Variants in LDHC observed in about 807,000 individuals in gnomAD.
LDHC encodes the protein L-lactate dehydrogenase C chain.
LDHC carries 20 observed loss-of-function variants against 30.2 expected under a neutral mutation model. That is an observed-to-expected ratio of 0.66 (90% confidence interval 0.47 to 0.96). The LOEUF (loss-of-function observed/expected upper bound fraction) is 0.96. Ranked by LOEUF, LDHC falls within the 40% of genes least tolerant of loss-of-function variation. The pLI is 0.00. For missense variants in LDHC, 362 were observed against 394.9 expected, an observed-to-expected ratio of 0.92 and a Z score of 0.71; for synonymous variants, 139 against 132.7, an observed-to-expected ratio of 1.05 and a Z score of -0.32.
rs1387931247 is a variant in LDHC at position 18,451,104 on chromosome 11, A to G, written c.976A>G (p.Ile326Val). Reference sequence around the variant, plus strand: ...GAAGAGTGCAGAAACACTTTGGAATATTCAAAAGGATCTAATATTTTAAAT... The same window carrying G: ...GAAGAGTGCAGAAACACTTTGGAATGTTCAAAAGGATCTAATATTTTAAAT... ...FKKSAETLWNIQKDLIF is the reference protein window; with the variant it reads ...FKKSAETLWNVQKDLIF Residue 326 changes from isoleucine (I) to valine (V), a missense_variant, in exon 8 of 8, where the codon ATT becomes GTT. Transcript: ENST00000541669. 1.3e-6 allele frequency: 2 copies of G among 1,539,078 alleles called. No individual in the cohort carries two copies. Among genetic ancestry groups the G allele is most frequent in the African/African-American group, 1.4e-5 (1 of 70,226 alleles).
At chr11:18,423,442 G>A (rs2056781) in intron 3 of LDHC, among the ~76,000 whole-genome samples, 22,725 of 152,094 alleles carry the variant, frequency 0.15, 1,882 homozygotes, top group African/African-American at 0.21. Flanking sequence ...TAACACTGAT[G>A]ATTTTCTAGA....
chr11:18,429,440 G>A (rs935159548), intron 3 of LDHC, among the ~76,000 whole-genome samples: 1 of 152,104 alleles, frequency 6.6e-6, no homozygotes, highest in Non-Finnish European at 1.5e-5. Flanking sequence ...AAGGCAGAGA[G>A]CTGACTTTCA....
chr11:18,415,237 A>G lies in LDHC; in HGVS notation c.180A>G (p.Gly60=). The change falls in exon 3 of 8, where the codon GGA becomes GGG. Residue 60 remains glycine (G), a synonymous_variant. Transcript: ENST00000541669. ...ATGTTGCATTGGACAAACTGAAGGG[A>G]GAAATGATGGATCTTCAGCATGGCA... ...LVDVALDKLK[G]EMMDLQHGSL... 1 of 1,611,348 alleles carries G rather than the reference A, an allele frequency of 6.2e-7. No homozygotes were observed. The highest frequency in any genetic ancestry group is 8.5e-7 in the Non-Finnish European group (1 of 1,177,954).
intron 3 of LDHC, among the ~76,000 whole-genome samples, chr11:18,427,675 A>G (rs1440658047): frequency 9.3e-6 from 1 of 107,002 alleles, no homozygotes; most frequent in Non-Finnish European, 1.8e-5. Flanking sequence ...ATTTGGAGCC[A>G]GATTTTTTTT....
chr11:18,432,390 TG>T (rs1848282302), intron 4 of LDHC, among the ~76,000 whole-genome samples: 1 of 152,216 alleles, frequency 6.6e-6, no homozygotes, highest in Non-Finnish European at 1.5e-5. Context: ...TCATATGGTC[TG>T]TCTTGGAGAA....
chr11:18,428,193 A>G (rs1219565111), intron 3 of LDHC, among the ~76,000 whole-genome samples: 1 of 80,526 alleles, frequency 1.2e-5, no homozygotes, highest in Admixed American at 1.8e-4. Flanking sequence ...TTTTTTTGAG[A>G]CAGAGTCTCA....
At chr11:18,437,822 T>C (rs1325791710) in intron 5 of LDHC, among the ~76,000 whole-genome samples, 1 of 151,618 alleles carries the variant, frequency 6.6e-6, no homozygotes, top group African/African-American at 2.4e-5. Context: ...CCCAGCACTT[T>C]TGGAGGCCAA....
intron 6 of LDHC, among the ~76,000 whole-genome samples, chr11:18,445,677 T>G (rs1244874787): frequency 6.6e-6 from 1 of 152,164 alleles, no homozygotes; most frequent in East Asian, 1.9e-4. Flanking sequence ...TAATTTTTAC[T>G]TAAAAAAAGT....
At chr11:18,429,413 A>G (rs1848224853) in intron 3 of LDHC, among the ~76,000 whole-genome samples, 1 of 152,000 alleles carries the variant, frequency 6.6e-6, no homozygotes, top group Non-Finnish European at 1.5e-5. Context: ...GCCTGGCCTC[A>G]TTTTGGTGTT....
In LDHC at chr11:18,441,599, C is replaced by T. The variant is rs376923540; in HGVS notation, c.710+2954C>T. The stretch of plus-strand genomic sequence containing the variant: ...GGATTACAGGCATGAGCCACCACAC[C>T]CGGCCCTTTAGAAGATATTTCAATG... On this transcript the variant is annotated intron_variant, in intron 6 of 7. Transcript: ENST00000541669. 3.7e-4 allele frequency among the ~76,000 whole-genome samples: 56 copies of T among 150,276 alleles called. 1 individual carries two copies. Among genetic ancestry groups the T allele is most frequent in the African/African-American group, 1.3e-3 (54 of 41,340 alleles).
At chr11:18,446,587 A>G (rs904446234) in intron 7 of LDHC, among the ~76,000 whole-genome samples, 1 of 152,242 alleles carries the variant, frequency 6.6e-6, no homozygotes, top group African/African-American at 2.4e-5. Flanking sequence ...AACAGTGTGA[A>G]GCCAACTCAA....
At position 18,434,998 on chromosome 11, in the gene LDHC, TAATA is replaced by T. The variant is rs1204372474; in HGVS notation, c.592+86_592+89del. On this transcript the variant is annotated intron_variant, in intron 5 of 7. Transcript: ENST00000541669. ...TCCTTTAAAGTTTTTTCCCTGATATTAATATAGTTGTATAAGTTTAATTTTTTTG... is the reference window on the plus strand; with the variant it reads ...TCCTTTAAAGTTTTTTCCCTGATATTTAGTTGTATAAGTTTAATTTTTTTG... The T allele has an allele frequency of 6.7e-6, 6 of 893,022 alleles. No individual in the cohort carries two copies. In the African/African-American group the frequency reaches 8.5e-5, roughly 13 times the overall value. 55.3% of individuals were successfully genotyped at this position (893,022 alleles called of 1,614,324 possible).
intron 6 of LDHC, among the ~76,000 whole-genome samples, chr11:18,443,605 G>A (rs1004809953): frequency 2.2e-4 from 33 of 151,930 alleles, no homozygotes; most frequent in Non-Finnish European, 4.3e-4. Context: ...GAATACAGGT[G>A]CATGCCACCA....
intron 2 of LDHC, among the ~76,000 whole-genome samples, chr11:18,414,122 A>C (rs538504724): frequency 6.6e-6 from 1 of 152,262 alleles, no homozygotes; most frequent in African/African-American, 2.4e-5. Context: ...GTCCTTACTA[A>C]TGTTCTTAGA....
At chr11:18,433,279 G>A (rs191786675) in intron 4 of LDHC, among the ~76,000 whole-genome samples, 78 of 152,092 alleles carry the variant, frequency 5.1e-4, no homozygotes, top group African/African-American at 1.4e-3. Flanking sequence ...CCAGCTACTC[G>A]GTAGGCTGAG....
intron 6 of LDHC, among the ~76,000 whole-genome samples, chr11:18,440,144 C>CAAA (rs35749455): frequency 0.04 from 3,311 of 82,968 alleles, 89 homozygotes; most frequent in African/African-American, 0.084. Flanking sequence ...TACTAAAATA[C>CAAA]AAAAAAAAAA....
chr11:18,447,134 A>ATTT (rs1316943953), intron 7 of LDHC, among the ~76,000 whole-genome samples: 1 of 138,872 alleles, frequency 7.2e-6, no homozygotes. Flanking sequence ...TGACTTCTCT[A>ATTT]TTTTTTTTTT....
chr11:18,444,680 G>A (rs1848525818), intron 6 of LDHC, among the ~76,000 whole-genome samples: 1 of 138,328 alleles, frequency 7.2e-6, no homozygotes, highest in African/African-American at 2.5e-5. Flanking sequence ...TGTGTTATGT[G>A]CATTCTTGGG....
chr11:18,445,751 G>C (rs148179582), intron 6 of LDHC, among the ~76,000 whole-genome samples: 1 of 152,062 alleles, frequency 6.6e-6, no homozygotes, highest in African/African-American at 2.4e-5. Flanking sequence ...CGAGCAGATC[G>C]CTTGAGCTCA....
Sources: gnomAD v4.1 joint callset for allele counts (sites outside exome capture counted in the v4.1 genomes callset) on GRCh38, gnomAD v4.1.1 for gene constraint, MANE v1.5 for transcripts, NCBI Gene and HGNC (gene_info 2026-07-23, HGNC 2026-07-21) for gene names.